MICAL2: variants seen among roughly 807,000 people sequenced by gnomAD.
MICAL2 encodes the protein microtubule associated monooxygenase, calponin and LIM domain containing 2, also known as [F-actin]-monooxygenase MICAL2.
A neutral mutation model predicts 127.3 loss-of-function variants in MICAL2; 77 were observed. That is an observed-to-expected ratio of 0.60 (90% CI 0.50 to 0.73). The LOEUF is 0.73. Among genes scored for constraint, MICAL2 ranks in the 30% least tolerant of loss-of-function variants. The pLI is 0.00. For missense variants in MICAL2, 1,351 were observed against 1,434.4 expected (o/e 0.94, Z 0.94); for synonymous variants, 570 against 551.1 (o/e 1.03, Z -0.48).
At chr11:12,335,267 C>A (rs201105269) in intron 32 of MICAL2, among the ~76,000 whole-genome samples, 1 of 150,840 alleles carries the variant, frequency 6.6e-6, no homozygotes, top group South Asian at 2.1e-4. Context: ...AGAAGTGTCT[C>A]TTCATATCCT....
At position 12,318,824 on chromosome 11, in the gene MICAL2, C is replaced by A. The variant is rs117745672; in HGVS notation, c.5213-872C>A. The stretch of plus-strand genomic sequence containing the variant: ...CTGTGGCACCTGGAAGACCTTATCA[C>A]ACATGGTCCCCGGCCAGATCACAGA... On this transcript the variant is annotated intron_variant, in intron 29 of 34. Transcript: ENST00000646065. 6.9e-4 allele frequency among the ~76,000 whole-genome samples: 105 copies of A among 152,312 alleles called. 3 individuals are homozygous for A. In the East Asian group the frequency reaches 0.018, roughly 27 times the overall value.
chr11:12,329,644 T>G (rs1724842787), intron 32 of MICAL2, among the ~76,000 whole-genome samples: 1 of 152,168 alleles, frequency 6.6e-6, no homozygotes, highest in African/African-American at 2.4e-5. Flanking sequence ...TCAGGTCATT[T>G]TGAGAATTAG....
intron 3 of MICAL2, 119 bp from the exon 4 acceptor site, chr11:12,204,131 G>T: frequency 1.1e-6 from 1 of 898,078 alleles, no homozygotes; most frequent in Non-Finnish European, 1.8e-6. Flanking sequence ...TACACAGCTT[G>T]CACTTGCTGG....
At chr11:12,156,925 C>T (rs1464921080) in intron 2 of MICAL2, among the ~76,000 whole-genome samples, 5 of 152,236 alleles carry the variant, frequency 3.3e-5, no homozygotes, top group Admixed American at 3.3e-4. Flanking sequence ...GGAACCTGGG[C>T]CTTCCTCCAG....
intron 4 of MICAL2, among the ~76,000 whole-genome samples, chr11:12,204,982 G>T (rs1341531346): frequency 6.6e-6 from 1 of 152,136 alleles, no homozygotes; most frequent in Non-Finnish European, 1.5e-5. Flanking sequence ...TGTTGCTGGG[G>T]AGCCATGGCA....
At chr11:12,255,566 C>A (rs765472556) in intron 22 of MICAL2, 77 bp from the exon 23 acceptor site, 125 of 1,307,502 alleles carry the variant, frequency 9.6e-5, no homozygotes, top group Non-Finnish European at 1.3e-4. Context: ...CCCCATCCAT[C>A]CTGCTTGTGT....
intron 10 of MICAL2, among the ~76,000 whole-genome samples, 182 bp from the exon 11 acceptor site, chr11:12,222,435 C>T (rs1389502952): frequency 1.3e-5 from 2 of 152,218 alleles, no homozygotes; most frequent in Non-Finnish European, 2.9e-5. Flanking sequence ...CTCTCGGCCC[C>T]TTTGACCTTC....
chr11:12,212,157 G>A (rs982483884), intron 6 of MICAL2, among the ~76,000 whole-genome samples: 5 of 152,114 alleles, frequency 3.3e-5, no homozygotes, highest in East Asian at 1.9e-4. Flanking sequence ...CTAAAGGTGC[G>A]CTTCAGTTAT....
At position 12,241,025 on chromosome 11, in the gene MICAL2, CCTTT is replaced by C. The variant is rs749622769; in HGVS notation, c.2215-11_2215-8del. On this transcript the variant is annotated splice_polypyrimidine_tract_variant and intron_variant, in intron 17 of 27. Transcript: ENST00000683283. Reference sequence around the variant, plus strand: ...TCCTGTGGCTGCTTTTTTGGACTCGCCTTTCTTCTCCCAGGAACGCCGTGTCTCA... The same window carrying C: ...TCCTGTGGCTGCTTTTTTGGACTCGCCTTCTCCCAGGAACGCCGTGTCTCA... The C allele has an allele frequency of 2.5e-4, 400 of 1,612,176 alleles. 2 individuals are homozygous for C. The Middle Eastern group carries it at 2.8e-3, about 11-fold the overall frequency.
At chr11:12,217,826 G>A (rs1055771704) in intron 8 of MICAL2, among the ~76,000 whole-genome samples, 2 of 152,114 alleles carry the variant, frequency 1.3e-5, no homozygotes, top group Non-Finnish European at 2.9e-5. Context: ...CTGAGCTGGT[G>A]CTGAGGAGCC....
chr11:12,288,245 C>T (rs2134776723), downstream of MICAL2, among the ~76,000 whole-genome samples: 1 of 152,384 alleles, frequency 6.6e-6, no homozygotes, highest in African/African-American at 2.4e-5. Flanking sequence ...CATTGCCACA[C>T]ATGGGTCATC....
At chr11:12,206,437 G>A (rs1854694116) in intron 4 of MICAL2, among the ~76,000 whole-genome samples, 1 of 152,210 alleles carries the variant, frequency 6.6e-6, no homozygotes, top group East Asian at 1.9e-4. Flanking sequence ...AAGGAGGCAA[G>A]GAGAATTTAT....
intron 1 of MICAL2, among the ~76,000 whole-genome samples, chr11:12,125,940 G>A (rs922198108): frequency 2.6e-5 from 4 of 152,190 alleles, no homozygotes; most frequent in African/African-American, 7.2e-5. Flanking sequence ...GAGGCCATGT[G>A]GAGTGAGTGA....
intron 2 of MICAL2, among the ~76,000 whole-genome samples, chr11:12,154,495 A>G (rs1853950163): frequency 6.6e-6 from 1 of 152,256 alleles, no homozygotes; most frequent in South Asian, 2.1e-4. Flanking sequence ...AGAAAAGTAT[A>G]GAGTAAAAGT....
downstream of MICAL2, chr11:12,293,803 C>G (rs377505982): frequency 6.1e-5 from 98 of 1,602,600 alleles, no homozygotes; most frequent in Non-Finnish European, 7.0e-5. Flanking sequence ...TTGGGGACAT[C>G]GGAAGCAACC....
intron 14 of MICAL2, 92 bp from the exon 15 acceptor site, chr11:12,226,933 G>A (rs541868519): frequency 1.5e-5 from 15 of 973,358 alleles, no homozygotes; most frequent in East Asian, 1.3e-4. Flanking sequence ...GATTACAGGC[G>A]TGAGCCACCA....
At chr11:12,138,071 C>G (rs1851994172) in intron 1 of MICAL2, among the ~76,000 whole-genome samples, 1 of 152,218 alleles carries the variant, frequency 6.6e-6, no homozygotes, top group East Asian at 1.9e-4. Flanking sequence ...TCTGTTTTTA[C>G]TAAAGCAGCG....
At chr11:12,289,565 T>C (rs1227577067), downstream of MICAL2, among the ~76,000 whole-genome samples, 4 of 80,894 alleles carry the variant, frequency 4.9e-5, 1 homozygote, top group East Asian at 1.2e-3. Flanking sequence ...TGTTTTTTTT[T>C]GTTTTTTTTT....
At chr11:12,243,010 C>A in intron 20 of MICAL2, 1 of 390,698 alleles carries the variant, frequency 2.6e-6, no homozygotes, top group Non-Finnish European at 4.5e-6. Context: ...AAAGTAAACA[C>A]AGATCGAGAA....
Sources: gnomAD v4.1 joint callset for allele counts (sites outside exome capture counted in the v4.1 genomes callset) on GRCh38, gnomAD v4.1.1 for gene constraint, MANE v1.5 for transcripts, NCBI Gene and HGNC (gene_info 2026-07-23, HGNC 2026-07-21) for gene names.